MAGI2: variants seen among roughly 807,000 people sequenced by gnomAD.
MAGI2 encodes the protein membrane associated guanylate kinase, WW and PDZ domain containing 2, also known as membrane-associated guanylate kinase, WW and PDZ domain-containing protein 2.
Under a neutral mutation model 133.3 loss-of-function variants are expected in MAGI2, and 35 were observed. The observed-to-expected ratio is 0.26, with a 90% CI of 0.20 to 0.35. The LOEUF (loss-of-function observed/expected upper bound fraction) is 0.35. MAGI2 is among the 10% of genes least tolerant of loss of function. MAGI2 has a pLI of 1.00. For missense variants in MAGI2, 1,636 were observed against 1,863.4 expected (o/e 0.88, Z 2.25); for synonymous variants, 729 against 710.6 (o/e 1.03, Z -0.41).
chr7:79,344,828 A>C (rs1422768346), intron 1 of MAGI2, among the ~76,000 whole-genome samples: 1 of 152,106 alleles, frequency 6.6e-6, no homozygotes, highest in Non-Finnish European at 1.5e-5. Flanking sequence ...CATACGCTAG[A>C]GAATTGGGGT....
intron 2 of MAGI2, among the ~76,000 whole-genome samples, chr7:78,988,423 A>G (rs149342170): frequency 6.6e-6 from 1 of 152,206 alleles, no homozygotes; most frequent in East Asian, 1.9e-4. Context: ...AAAACAAAAA[A>G]ATATAGTCAC....
intron 2 of MAGI2, among the ~76,000 whole-genome samples, chr7:78,774,179 T>C (rs1366267222): frequency 6.6e-6 from 1 of 152,210 alleles, no homozygotes; most frequent in Non-Finnish European, 1.5e-5. Flanking sequence ...CATCTGGGGA[T>C]AGAAACCGGA....
At chr7:79,048,544 G>T (rs1440278887) in intron 1 of MAGI2, among the ~76,000 whole-genome samples, 1 of 152,134 alleles carries the variant, frequency 6.6e-6, no homozygotes, top group African/African-American at 2.4e-5. Flanking sequence ...TAAATATTTA[G>T]ACATAAATAA....
intron 20 of MAGI2, among the ~76,000 whole-genome samples, chr7:78,115,864 C>T (rs925758667): frequency 6.6e-6 from 1 of 152,102 alleles, no homozygotes; most frequent in African/African-American, 2.4e-5. Flanking sequence ...TTTGCAAAAC[C>T]ATTAGCAAAG....
intron 2 of MAGI2, among the ~76,000 whole-genome samples, chr7:78,827,685 C>T (rs1431808131): frequency 6.6e-6 from 1 of 152,006 alleles, no homozygotes; most frequent in Non-Finnish European, 1.5e-5. Context: ...TTCACACTTA[C>T]AATTTGAGCA....
At chr7:78,918,958 G>A (rs1257894947) in intron 2 of MAGI2, among the ~76,000 whole-genome samples, 1 of 151,916 alleles carries the variant, frequency 6.6e-6, no homozygotes, top group African/African-American at 2.4e-5. Flanking sequence ...GTGAATTCTG[G>A]GATTATACAT....
intron 2 of MAGI2, among the ~76,000 whole-genome samples, chr7:78,908,774 CAT>C (rs995051440): frequency 6.6e-6 from 1 of 152,014 alleles, no homozygotes; most frequent in African/African-American, 2.4e-5. Context: ...CTATTGAAAA[CAT>C]ATTATGTATT....
At chr7:78,544,916 C>T (rs1480570676) in intron 3 of MAGI2, among the ~76,000 whole-genome samples, 2 of 151,730 alleles carry the variant, frequency 1.3e-5, no homozygotes, top group Non-Finnish European at 2.9e-5. Flanking sequence ...GCTTTGGCCT[C>T]CCGAAGGGCT....
At chr7:79,034,211 TG>T (rs1362072363) in intron 1 of MAGI2, among the ~76,000 whole-genome samples, 17 of 148,298 alleles carry the variant, frequency 1.1e-4, no homozygotes, top group African/African-American at 3.4e-4. Flanking sequence ...GCATAAATGT[TG>T]GTTTTTTTTA....
At chr7:79,271,628 A>G (rs1043234250) in intron 1 of MAGI2, among the ~76,000 whole-genome samples, 2 of 151,858 alleles carry the variant, frequency 1.3e-5, no homozygotes, top group African/African-American at 4.8e-5. Flanking sequence ...AATAAGGAAA[A>G]CAAATATTTC....
intron 9 of MAGI2, among the ~76,000 whole-genome samples, chr7:78,267,626 G>A (rs1794148377): frequency 6.6e-6 from 1 of 152,078 alleles, no homozygotes; most frequent in Non-Finnish European, 1.5e-5. Context: ...TGAAATTTTG[G>A]AATCCAGAGA....
At chr7:78,218,884 G>A (rs540003578) in intron 10 of MAGI2, among the ~76,000 whole-genome samples, 11 of 152,254 alleles carry the variant, frequency 7.2e-5, no homozygotes, top group African/African-American at 2.4e-4. Context: ...GCCCAACAGC[G>A]CCTCTTCACA....
At chr7:78,387,770 T>C (rs1197917660) in intron 6 of MAGI2, among the ~76,000 whole-genome samples, 2 of 151,814 alleles carry the variant, frequency 1.3e-5, no homozygotes, top group Non-Finnish European at 1.5e-5. Context: ...CTATAAAAAA[T>C]ACAAAATTAA....
At chr7:79,028,454 T>C (rs1331508784) in intron 1 of MAGI2, among the ~76,000 whole-genome samples, 3 of 151,236 alleles carry the variant, frequency 2.0e-5, no homozygotes, top group African/African-American at 7.3e-5. Flanking sequence ...GTATTTATAG[T>C]GCAGAGGTCT....
intron 6 of MAGI2, chr7:78,484,547 G>C (rs1460516566): frequency 6.6e-6 from 1 of 151,928 alleles, no homozygotes; most frequent in African/African-American, 2.4e-5. Context: ...GGTTGAAGGG[G>C]GAAACCCCCC....
intron 1 of MAGI2, among the ~76,000 whole-genome samples, chr7:79,039,145 G>A (rs554775500): frequency 2.0e-4 from 30 of 151,958 alleles, no homozygotes; most frequent in Admixed American, 2.6e-4. Context: ...TGCTGTTCTC[G>A]TGATAGTGAG....
intron 9 of MAGI2, among the ~76,000 whole-genome samples, chr7:78,279,552 C>T (rs947063727): frequency 2.0e-5 from 3 of 152,152 alleles, no homozygotes; most frequent in African/African-American, 4.8e-5. Context: ...CTCAGGGCAT[C>T]TTAGCTGCAG....
In MAGI2 at chr7:79,230,618, C is replaced by T. The variant is rs1168671955; in HGVS notation, c.301+222402G>A. 3.7e-3 allele frequency among the ~76,000 whole-genome samples: 559 copies of T among 149,770 alleles called. 7 individuals carry two copies. The highest frequency in any genetic ancestry group is 0.013 in the African/African-American group (525 of 40,938). ...TTGAGAAGTGTCTGTTCATGTCCTT[C>T]GCCCACTTTTTGATGGGGTTGTTTG... On this transcript the variant is annotated intron_variant, in intron 1 of 21. Transcript: ENST00000354212.
At chr7:79,244,491 A>T (rs1344009666) in intron 1 of MAGI2, among the ~76,000 whole-genome samples, 1 of 152,202 alleles carries the variant, frequency 6.6e-6, no homozygotes, top group African/African-American at 2.4e-5. Context: ...ATTGGAACTT[A>T]GTGCTGATTT....
Sources: gnomAD v4.1 joint callset for allele counts (sites outside exome capture counted in the v4.1 genomes callset) on GRCh38, gnomAD v4.1.1 for gene constraint, MANE v1.5 for transcripts, NCBI Gene and HGNC (gene_info 2026-07-23, HGNC 2026-07-21) for gene names.